Variants in IRAG1 observed in about 807,000 individuals in gnomAD.
The protein encoded by IRAG1 is IP3R-associated cGMP kinase substrate.
A neutral mutation model predicts 106.2 loss-of-function variants in IRAG1; 62 were observed. That is an observed-to-expected ratio of 0.58 (90% CI 0.48 to 0.72). IRAG1 has a LOEUF of 0.72. Among genes scored for constraint, IRAG1 ranks in the 30% least tolerant of loss-of-function variants. The pLI, the probability that IRAG1 is intolerant of heterozygous loss-of-function variation, is 0.00. For missense variants in IRAG1, 1,064 were observed against 1,140.7 expected, an observed-to-expected ratio of 0.93 and a Z score of 0.97; for synonymous variants, 462 against 443.9, an observed-to-expected ratio of 1.04 and a Z score of -0.51.
Position 10,626,644 on chromosome 11 carries a change from C to T in IRAG1, c.751-61G>A, listed in dbSNP as rs1018309355. 5 of 1,511,280 alleles carry T rather than the reference C, an allele frequency of 3.3e-6. No individual in the cohort carries two copies. The Admixed American group carries it at 8.5e-5, about 26-fold the overall frequency. The allele number at this position is 1,511,280 out of a possible 1,614,324, so 93.6% of individuals were successfully genotyped here. Reference sequence around the variant, plus strand: ...GCAGGTTGAGGGGAAACAGGTGAGGCCACTTCTGCTGTGGAGTCTCTGCCC... The same window carrying T: ...GCAGGTTGAGGGGAAACAGGTGAGGTCACTTCTGCTGTGGAGTCTCTGCCC... On this transcript the variant is annotated intron_variant, in intron 8 of 20. Transcript: ENST00000423302.
chr11:10,670,287 C>A (rs537994357), intron 1 of IRAG1, among the ~76,000 whole-genome samples: 1 of 152,114 alleles, frequency 6.6e-6, no homozygotes, highest in African/African-American at 2.4e-5. Flanking sequence ...ACTTTAAAGC[C>A]GGCAGTGTAA....
intron 14 of IRAG1, 92 bp downstream of exon 14, chr11:10,603,028 A>G (rs1854164411): frequency 3.5e-6 from 5 of 1,438,180 alleles, no homozygotes; most frequent in Non-Finnish European, 4.7e-6. Flanking sequence ...AGCCACCTCT[A>G]AGTGGTATCT....
intron 1 of IRAG1, among the ~76,000 whole-genome samples, chr11:10,676,132 C>T (rs915900000): frequency 4.6e-5 from 7 of 152,230 alleles, no homozygotes; most frequent in Admixed American, 6.5e-5. Flanking sequence ...CTGTGATGCT[C>T]GTACTGCCTC....
At chr11:10,668,794 G>A (rs903280290) in intron 1 of IRAG1, among the ~76,000 whole-genome samples, 2 of 152,170 alleles carry the variant, frequency 1.3e-5, no homozygotes, top group East Asian at 3.9e-4. Flanking sequence ...TATAATTAGG[G>A]CTTGGTATAT....
intron 1 of IRAG1, among the ~76,000 whole-genome samples, chr11:10,663,254 T>C (rs931308758): frequency 2.6e-5 from 4 of 152,022 alleles, no homozygotes; most frequent in African/African-American, 9.7e-5. Context: ...GAAAAGAAAA[T>C]TAACACCCAG....
chr11:10,685,196 C>T (rs1010013838), intron 1 of IRAG1, among the ~76,000 whole-genome samples: 1 of 152,184 alleles, frequency 6.6e-6, no homozygotes, highest in Non-Finnish European at 1.5e-5. Flanking sequence ...GTAATCCCAG[C>T]ACTTTGAAAG....
At chr11:10,678,567 C>G (rs1316828816) in intron 1 of IRAG1, among the ~76,000 whole-genome samples, 1 of 152,206 alleles carries the variant, frequency 6.6e-6, no homozygotes, top group African/African-American at 2.4e-5. Context: ...AGGAGCCCAG[C>G]TGAGACTGAC....
At chr11:10,670,128 C>A (rs890716708) in intron 1 of IRAG1, among the ~76,000 whole-genome samples, 1 of 152,224 alleles carries the variant, frequency 6.6e-6, no homozygotes, top group Non-Finnish European at 1.5e-5. Flanking sequence ...GGAGTAGCTA[C>A]ATCTTGAGCT....
intron 1 of IRAG1, among the ~76,000 whole-genome samples, chr11:10,656,125 T>C (rs1589927513): frequency 6.6e-6 from 1 of 152,200 alleles, no homozygotes; most frequent in East Asian, 1.9e-4. Flanking sequence ...ACTGCAAAGT[T>C]TAGAATATAA....
intron 2 of IRAG1, among the ~76,000 whole-genome samples, chr11:10,634,697 C>T (rs1302580819): frequency 6.6e-6 from 1 of 151,294 alleles, no homozygotes; most frequent in Admixed American, 6.6e-5. Context: ...TGCAGGCTCA[C>T]CCACATTGTT....
rs573845686 is a variant in IRAG1, at chr11:10,573,594, C to T, written c.*2738G>A. On this transcript the variant is annotated 3_prime_UTR_variant, in exon 21 of 21. Transcript: ENST00000423302. ...TCCCTTTTGGAGATGTCCTTTTCCTCGACCTCCCTTGCTTACAAATGGAAT... is the reference window on the plus strand; with the variant it reads ...TCCCTTTTGGAGATGTCCTTTTCCTTGACCTCCCTTGCTTACAAATGGAAT... 3 of 152,370 alleles carry T rather than the reference C, an allele frequency of 2.0e-5. No homozygotes were observed. The highest frequency in any genetic ancestry group is 6.5e-5 in the Admixed American group (1 of 15,302). The allele number at this position is 152,370 out of a possible 1,614,324, so 9.4% of individuals were successfully genotyped here. A position where few individuals can be genotyped will look rare whatever the true frequency, so the allele number is the denominator to read the frequency against.
At position 10,580,518 on chromosome 11, in the gene IRAG1, T is replaced by G. The variant is rs1405908881; in HGVS notation, c.2432A>C (p.Glu811Ala). ...TACCTCTTCAGGTTCCTCAGGACTC[T>G]CACTCTTCTGTTCTTCCTCCTCCTC... ...LKEEEEEQKSESPEEPEEVEE... is the reference protein window; with the variant it reads ...LKEEEEEQKSASPEEPEEVEE... The change falls in exon 20 of 21, where the codon GAG becomes GCG. Residue 811 changes from glutamate (E) to alanine (A), a missense_variant. Physicochemically the swap from Glu to Ala is moderately radical, Grantham distance 107 (BLOSUM62 -1). Coordinates refer to ENST00000423302, the MANE Select transcript of IRAG1 (RefSeq NM_130385.4). The G allele has an allele frequency of 6.2e-7, 1 of 1,613,828 alleles. No individual in the cohort carries two copies. Among genetic ancestry groups the G allele is most frequent in the Non-Finnish European group, 8.5e-7 (1 of 1,179,858 alleles).
Position 10,628,115 on chromosome 11 carries a change from C to G in IRAG1, c.653-90G>C, listed in dbSNP as rs757160140. 1 of 1,408,928 alleles carries G rather than the reference C, an allele frequency of 7.1e-7. No homozygotes were observed. 87.3% of individuals were successfully genotyped at this position (1,408,928 alleles called of 1,614,324 possible). ...CACATCTCCCTCCCCGGGCTATCCT[C>G]CCTTTGCAATCTCAGGCCTGGAAGA... On this transcript the variant is annotated intron_variant, in intron 6 of 20. Coordinates refer to ENST00000423302, the MANE Select transcript of IRAG1 (RefSeq NM_130385.4). The surrounding 1 kb of genome is among the most constrained non-coding windows in gnomAD (Gnocchi z 4.1).
intron 16 of IRAG1, 73 bp downstream of exon 16, chr11:10,594,073 G>C: frequency 7.3e-7 from 1 of 1,372,432 alleles, no homozygotes; most frequent in African/African-American, 1.4e-5. Flanking sequence ...CAGAATGAAT[G>C]ATTGTTTGGG....
intron 2 of IRAG1, among the ~76,000 whole-genome samples, chr11:10,641,852 A>G (rs1454868015): frequency 6.6e-6 from 1 of 152,164 alleles, no homozygotes; most frequent in Non-Finnish European, 1.5e-5. Flanking sequence ...TGACTTGTCC[A>G]GGGCTGTGCC....
At chr11:10,577,029 C>G (rs1411439219) in intron 20 of IRAG1, among the ~76,000 whole-genome samples, 1 of 152,202 alleles carries the variant, frequency 6.6e-6, no homozygotes, top group African/African-American at 2.4e-5. Flanking sequence ...TGCCTTGCCT[C>G]AGATGCGTAA....
At chr11:10,578,126 G>C (rs75938287) in intron 20 of IRAG1, among the ~76,000 whole-genome samples, 33 of 152,304 alleles carry the variant, frequency 2.2e-4, no homozygotes, top group African/African-American at 7.7e-4. Flanking sequence ...TGTGACCTTA[G>C]CTGGTCACCC....
intron 1 of IRAG1, among the ~76,000 whole-genome samples, chr11:10,661,206 T>C (rs1859372205): frequency 6.6e-6 from 1 of 152,178 alleles, no homozygotes; most frequent in Non-Finnish European, 1.5e-5. Flanking sequence ...CCTCCAAACA[T>C]GCCCTGCTTT....
At chr11:10,656,899 G>A (rs1858967983) in intron 1 of IRAG1, among the ~76,000 whole-genome samples, 1 of 152,102 alleles carries the variant, frequency 6.6e-6, no homozygotes. Flanking sequence ...GAGGGCTGGA[G>A]TGAGTACTCC....
Sources: allele counts gnomAD v4.1 joint callset (sites outside exome capture counted in the v4.1 genomes callset), GRCh38; gene constraint gnomAD v4.1.1; non-coding constraint Gnocchi (gnomAD v3.1); transcripts MANE v1.5; gene names NCBI Gene and HGNC (gene_info 2026-07-23, HGNC 2026-07-21).